Variants in ZNF76 observed in about 807,000 individuals in gnomAD.
ZNF76 encodes the protein zinc finger protein 76.
Under a neutral mutation model 66.9 loss-of-function variants are expected in ZNF76, and 66 were observed. The ratio of observed to expected loss-of-function variants is 0.99; its 90% CI spans 0.81 to 1.21. The LOEUF (loss-of-function observed/expected upper bound fraction) is 1.21. ZNF76 is among the 50% of genes most tolerant of loss of function. The pLI is 0.00. For synonymous variants in ZNF76, 275 were observed against 296.1 expected (o/e 0.93, Z 0.73); for missense variants, 729 against 760.3 (o/e 0.96, Z 0.48).
intron 5 of ZNF76, 111 bp from the exon 6 acceptor site, chr6:35,290,155 C>A: frequency 5.0e-6 from 7 of 1,404,248 alleles, no homozygotes; most frequent in Non-Finnish European, 5.9e-6. Context: ...CCCCAGAGGC[C>A]CCTGACAGGT....
At chr6:35,275,166 G>A (rs1011707670) in intron 1 of ZNF76, among the ~76,000 whole-genome samples, 3 of 151,036 alleles carry the variant, frequency 2.0e-5, no homozygotes, top group African/African-American at 7.3e-5. Context: ...AAAAAAAAAA[G>A]AAAAAAAATT....
At chr6:35,279,386 A>T (rs1188595794) in intron 1 of ZNF76, 1 of 34,074 alleles carries the variant, frequency 2.9e-5, no homozygotes, top group African/African-American at 1.2e-4. Context: ...GCCTAAATAG[A>T]ATTAGTTTCA....
intron 11 of ZNF76, among the ~76,000 whole-genome samples, chr6:35,293,457 T>G (rs1382726101): frequency 6.6e-6 from 1 of 152,196 alleles, no homozygotes; most frequent in Non-Finnish European, 1.5e-5. Context: ...TGCTAGAAAG[T>G]ACATCTGTGC....
chr6:35,280,300 A>G (rs1788569085), intron 1 of ZNF76, among the ~76,000 whole-genome samples: 1 of 152,154 alleles, frequency 6.6e-6, no homozygotes, highest in African/African-American at 2.4e-5. Flanking sequence ...GTTCGAGGTT[A>G]CAGTGAACTG....
intron 1 of ZNF76, among the ~76,000 whole-genome samples, chr6:35,268,132 G>T (rs1786429127): frequency 6.6e-6 from 1 of 152,178 alleles, no homozygotes; most frequent in Non-Finnish European, 1.5e-5. Flanking sequence ...CACATTCTTT[G>T]TTAGGTGCTA....
intron 1 of ZNF76, among the ~76,000 whole-genome samples, chr6:35,261,400 C>T (rs566618075): frequency 6.6e-6 from 1 of 152,180 alleles, no homozygotes; most frequent in Non-Finnish European, 1.5e-5. Flanking sequence ...TAACGATTGG[C>T]TTGCTGAATA....
Position 35,291,567 on chromosome 6 carries a change from C to T in ZNF76, c.761C>T (p.Pro254Leu), listed in dbSNP as rs774235147. ...KHVRTHTGER[P>L]FQCPFEGCGR... The stretch of plus-strand genomic sequence containing the variant: ...CCCACCATTTGCATAGGTGAACGCC[C>T]GTTCCAGTGCCCTTTTGAGGGCTGT... Residue 254 changes from proline (P) to leucine (L), a missense_variant, in exon 9 of 14, where the codon CCG (proline) becomes CTG (leucine). Physicochemically the swap from Pro to Leu is moderately conservative, Grantham distance 98. Coordinates refer to ENST00000373953, the MANE Select transcript of ZNF76 (RefSeq NM_003427.5). The T allele has an allele frequency of 6.2e-6, 10 of 1,613,396 alleles. No homozygotes were observed. The highest frequency in any genetic ancestry group is 2.2e-5 in the South Asian group (2 of 91,084).
In ZNF76 at chr6:35,286,239, C is replaced by T. The variant is rs370704641; in HGVS notation, c.154+31C>T. The T allele has an allele frequency of 2.0e-5, 32 of 1,613,584 alleles. No individual in the cohort carries two copies. The South Asian group carries it at 2.3e-4, about 12-fold the overall frequency. On this transcript the variant is annotated intron_variant, in intron 3 of 13. Coordinates refer to ENST00000373953, the MANE Select transcript of ZNF76 (RefSeq NM_003427.5). ...GGCACCCCAACACACCATGCCTTGT[C>T]GAGGGAAGCCTGACAGCCCCCACCA...
rs1791018367 is a variant in ZNF76 at position 35,295,150 on chromosome 6, G to C, written c.1615G>C (p.Glu539Gln). Residue 539 changes from glutamate (E) to glutamine (Q), a missense_variant, in exon 14 of 14, where the codon GAA becomes CAA. Physicochemically the swap from Glu to Gln is conservative, Grantham distance 29. Coordinates refer to ENST00000373953, the MANE Select transcript of ZNF76 (RefSeq NM_003427.5). ...NGTHIAVQLE[E>Q]QQTLEEAINV... ...TGCACCCCCTTCCCCACAGCTGGAG[G>C]AACAGCAGACCTTAGAGGAGGCCAT... 1 of 1,611,324 alleles carries C rather than the reference G, an allele frequency of 6.2e-7. No homozygotes were observed. Among genetic ancestry groups the C allele is most frequent in the Middle Eastern group, 1.7e-4 (1 of 5,986 alleles).
chr6:35,286,466 C>A, intron 4 of ZNF76, 67 bp downstream of exon 4: 2 of 1,466,614 alleles, frequency 1.4e-6, no homozygotes, highest in Non-Finnish European at 1.9e-6. Context: ...GGTGGCAGGA[C>A]TGGAGGATGG....
intron 1 of ZNF76, among the ~76,000 whole-genome samples, chr6:35,265,966 A>G (rs533550936): frequency 6.6e-6 from 1 of 152,306 alleles, no homozygotes; most frequent in African/African-American, 2.4e-5. Context: ...CGGGGCAAAA[A>G]TGGAAGGAGA....
rs956007877 is a variant in ZNF76, at chr6:35,287,743, C to G, written c.330C>G (p.Ile110Met). ...TGGCTGTGCCATCGGAGAGCACCATCCTGGCCGTACAGACAGAGGTGGGCT... is the reference window on the plus strand; with the variant it reads ...TGGCTGTGCCATCGGAGAGCACCATGCTGGCCGTACAGACAGAGGTGGGCT... ...HPVAVPSEST[I>M]LAVQTEVGLE... The change falls in exon 5 of 14, where the codon ATC becomes ATG. Residue 110 changes from isoleucine to methionine, a missense_variant. Transcript: ENST00000373953. This position sits in a 1 kb window ranked among gnomAD's most constrained non-coding sequence, Gnocchi z 4.0. 1 of 1,614,230 alleles carries G rather than the reference C, an allele frequency of 6.2e-7. No homozygotes were observed. The highest frequency in any genetic ancestry group is 2.2e-5 in the East Asian group (1 of 44,886).
intron 1 of ZNF76, among the ~76,000 whole-genome samples, chr6:35,271,636 C>T (rs1241139191): frequency 2.7e-5 from 4 of 150,938 alleles, no homozygotes; most frequent in Non-Finnish European, 5.9e-5. Flanking sequence ...CACCACTGCA[C>T]TCCAGCCTGG....
chr6:35,286,504 G>A (rs1789591253), intron 4 of ZNF76, 105 bp downstream of exon 4: 2 of 1,067,612 alleles, frequency 1.9e-6, no homozygotes. Flanking sequence ...GTGTAGACAT[G>A]GGAGCTGTCA....
intron 1 of ZNF76, among the ~76,000 whole-genome samples, chr6:35,271,662 TC>T (rs1431477584): frequency 7.5e-6 from 1 of 133,944 alleles, no homozygotes; most frequent in Non-Finnish European, 1.6e-5. Flanking sequence ...AGAGCGAGAC[TC>T]CGTCTCAAAA....
At chr6:35,271,773 A>G (rs577693485) in intron 1 of ZNF76, among the ~76,000 whole-genome samples, 21 of 152,280 alleles carry the variant, frequency 1.4e-4, no homozygotes, top group African/African-American at 4.6e-4. Context: ...CCACAAGACA[A>G]ACAAAACACG....
rs931449988 is a variant in ZNF76, at chr6:35,291,483, C to CCCAGTG, written c.752-71_752-66dup. The CCCAGTG allele has an allele frequency of 2.5e-6, 4 of 1,609,228 alleles. No homozygotes were observed. The African/African-American group carries it at 5.3e-5, about 22-fold the overall frequency. On this transcript the variant is annotated intron_variant, in intron 8 of 13. Coordinates refer to ENST00000373953, the MANE Select transcript of ZNF76 (RefSeq NM_003427.5). ...TTGCCTTTCAGACTTAGACCTGGAG[C>CCCAGTG]CCAGTGCCATCCCCAGCTTGCTCCA...
intron 2 of ZNF76, 96 bp downstream of exon 2, chr6:35,281,320 C>A: frequency 2.6e-6 from 3 of 1,167,892 alleles, no homozygotes; most frequent in Non-Finnish European, 3.8e-6. Flanking sequence ...CTTGCCCTCC[C>A]GCCTGCTTAC....
At chr6:35,274,175 A>C (rs889405792) in intron 1 of ZNF76, among the ~76,000 whole-genome samples, 1 of 152,272 alleles carries the variant, frequency 6.6e-6, no homozygotes, top group Non-Finnish European at 1.5e-5. Flanking sequence ...CTATGTTTAC[A>C]AATGAAGAAG....
Sources: gnomAD v4.1 joint callset for allele counts (sites outside exome capture counted in the v4.1 genomes callset) on GRCh38, gnomAD v4.1.1 for gene constraint, Gnocchi (gnomAD v3.1) non-coding constraint, MANE v1.5 for transcripts, NCBI Gene and HGNC (gene_info 2026-07-23, HGNC 2026-07-21) for gene names.